PDE6D: variants seen among roughly 807,000 people sequenced by gnomAD.
PDE6D encodes the protein phosphodiesterase 6D.
A neutral mutation model predicts 21.9 loss-of-function variants in PDE6D; 10 were observed. The ratio of observed to expected loss-of-function variants is 0.46; its 90% CI spans 0.28 to 0.78. PDE6D has a LOEUF of 0.78. PDE6D is among the 30% of genes least tolerant of loss of function. PDE6D has a pLI of 0.12. For synonymous variants in PDE6D, 59 were observed against 63.5 expected (o/e 0.93, Z 0.34); for missense variants, 139 against 184.8 (o/e 0.75, Z 1.44).
At chr2:231,761,313 T>C (rs1384209845) in intron 1 of PDE6D, among the ~76,000 whole-genome samples, 4 of 152,180 alleles carry the variant, frequency 2.6e-5, no homozygotes, top group Non-Finnish European at 5.9e-5. Context: ...TAGCTGGGAC[T>C]ACAAGGTGCC....
intron 1 of PDE6D, among the ~76,000 whole-genome samples, chr2:231,741,980 G>A (rs564448272): frequency 1.2e-4 from 18 of 152,242 alleles, no homozygotes; most frequent in African/African-American, 3.6e-4. Flanking sequence ...GAAACATTAC[G>A]ACATAGCCAC....
At chr2:231,735,959 C>G (rs1026903981) in intron 4 of PDE6D, among the ~76,000 whole-genome samples, 1 of 149,898 alleles carries the variant, frequency 6.7e-6, no homozygotes. Flanking sequence ...ACCTGGGAGG[C>G]GGAGCTGGCA....
intron 1 of PDE6D, among the ~76,000 whole-genome samples, chr2:231,749,414 G>A (rs1160639388): frequency 6.6e-6 from 1 of 151,712 alleles, no homozygotes; most frequent in Non-Finnish European, 1.5e-5. Context: ...TACCCCCACC[G>A]TATCTAGGAA....
At chr2:231,776,015 C>T (rs1359959931) in intron 1 of PDE6D, among the ~76,000 whole-genome samples, 1 of 152,120 alleles carries the variant, frequency 6.6e-6, no homozygotes, top group East Asian at 1.9e-4. Context: ...ACAGTAGATA[C>T]AGACTATACT....
chr2:231,750,034 G>C (rs959073869), intron 1 of PDE6D, among the ~76,000 whole-genome samples: 1 of 152,102 alleles, frequency 6.6e-6, no homozygotes, highest in African/African-American at 2.4e-5. Flanking sequence ...CAAGTGTTGT[G>C]GGAGGGATTT....
intron 1 of PDE6D, among the ~76,000 whole-genome samples, chr2:231,775,487 G>T (rs57465743): frequency 0.32 from 43,512 of 136,176 alleles, 7,900 homozygotes; most frequent in African/African-American, 0.5. Context: ...TTTTGTGTGT[G>T]TTTTTTTTTT....
chr2:231,759,471 A>C (rs1184966260), intron 1 of PDE6D, among the ~76,000 whole-genome samples: 3 of 152,196 alleles, frequency 2.0e-5, no homozygotes, highest in African/African-American at 7.2e-5. Context: ...AAGGAAGGCA[A>C]GCAAGCATGG....
intron 1 of PDE6D, among the ~76,000 whole-genome samples, chr2:231,763,429 G>A (rs2048947279): frequency 6.6e-6 from 1 of 152,046 alleles, no homozygotes; most frequent in Non-Finnish European, 1.5e-5. Context: ...TTGAGGTACT[G>A]TGTATCAGGT....
chr2:231,736,336 T>TA lies in PDE6D; in HGVS notation c.371+850dup, dbSNP rs376698712. 6.1e-3 allele frequency among the ~76,000 whole-genome samples: 924 copies of TA among 152,056 alleles called. 11 individuals carry two copies. Among genetic ancestry groups the TA allele is most frequent in the African/African-American group, 0.021 (861 of 41,502 alleles). ...GGGACTAACTCTTTTTTTTTTGAAA[T>TA]AGAGTCTTGGTCTGCTACCCAGGCT... On this transcript the variant is annotated intron_variant, in intron 4 of 4. Coordinates refer to ENST00000287600, the MANE Select transcript of PDE6D (RefSeq NM_002601.4).
chr2:231,744,093 G>A (rs2048772646), intron 1 of PDE6D, among the ~76,000 whole-genome samples: 1 of 152,132 alleles, frequency 6.6e-6, no homozygotes, highest in Non-Finnish European at 1.5e-5. Context: ...ACAGTTCCAG[G>A]CTCACAGGCA....
chr2:231,753,691 A>T (rs551905336), intron 1 of PDE6D, among the ~76,000 whole-genome samples: 24 of 152,348 alleles, frequency 1.6e-4, no homozygotes, highest in Non-Finnish European at 2.5e-4. Flanking sequence ...ACAAATAAAA[A>T]ATGTAAAAAA....
At chr2:231,738,187 G>A in intron 2 of PDE6D, 49 bp from the exon 3 acceptor site, 2 of 1,539,724 alleles carry the variant, frequency 1.3e-6, no homozygotes, top group Non-Finnish European at 1.8e-6. Flanking sequence ...GAAAACCACA[G>A]GACTATGATG....
At chr2:231,754,654 G>T (rs899498291) in intron 1 of PDE6D, among the ~76,000 whole-genome samples, 3 of 149,948 alleles carry the variant, frequency 2.0e-5, no homozygotes, top group Admixed American at 2.0e-4. Context: ...TTACAGGTGT[G>T]AGCCACCACG....
In PDE6D at chr2:231,781,182, G is replaced by A; in HGVS notation, c.-68C>T. ...GGAGCCTCGCAGACGGTGCCCAGGA[G>A]CCGAGGATGGAGCCGCAGCCCGGCT... On this transcript the variant is annotated 5_prime_UTR_variant, in exon 1 of 5. Coordinates refer to ENST00000287600, the MANE Select transcript of PDE6D (RefSeq NM_002601.4). The A allele has an allele frequency of 3.3e-6, 5 of 1,504,296 alleles. No homozygotes were observed. The highest frequency in any genetic ancestry group is 1.1e-5 in the South Asian group (1 of 87,632). 93.2% of individuals were successfully genotyped at this position (1,504,296 alleles called of 1,614,324 possible). A position where few individuals can be genotyped will look rare whatever the true frequency, so the allele number is the denominator to read the frequency against.
At chr2:231,749,426 T>C (rs999379785) in intron 1 of PDE6D, among the ~76,000 whole-genome samples, 10 of 151,980 alleles carry the variant, frequency 6.6e-5, no homozygotes, top group African/African-American at 2.4e-4. Flanking sequence ...ATCTAGGAAA[T>C]AACTAGTTTG....
intron 1 of PDE6D, among the ~76,000 whole-genome samples, chr2:231,759,227 G>A (rs896177151): frequency 1.3e-5 from 2 of 152,086 alleles, no homozygotes; most frequent in Non-Finnish European, 2.9e-5. Context: ...CGAGGTGGGA[G>A]GATTGCTTTA....
At chr2:231,737,522 C>T in intron 3 of PDE6D, 1 of 451,574 alleles carries the variant, frequency 2.2e-6, no homozygotes, top group Non-Finnish European at 4.0e-6. Flanking sequence ...AGGACTAGGA[C>T]CAGCGAGCAG....
At chr2:231,746,725 G>C (rs888503319) in intron 1 of PDE6D, among the ~76,000 whole-genome samples, 2 of 152,040 alleles carry the variant, frequency 1.3e-5, no homozygotes, top group Non-Finnish European at 2.9e-5. Context: ...GAGAAGGAAT[G>C]GGGAAGACAA....
chr2:231,775,483 G>GTT (rs1559337003), intron 1 of PDE6D, among the ~76,000 whole-genome samples: 3 of 132,802 alleles, frequency 2.3e-5, no homozygotes, highest in Non-Finnish European at 3.3e-5. Context: ...TAATTTTTGT[G>GTT]TGTGTTTTTT....
Sources: gnomAD v4.1 joint callset for allele counts (sites outside exome capture counted in the v4.1 genomes callset) on GRCh38, gnomAD v4.1.1 for gene constraint, MANE v1.5 for transcripts, NCBI Gene and HGNC (gene_info 2026-07-23, HGNC 2026-07-21) for gene names.